Variants in SGCZ observed in about 807,000 individuals in gnomAD.
The protein encoded by SGCZ is sarcoglycan zeta.
In SGCZ, 40 loss-of-function variants were observed where a neutral mutation model predicts 41.3. The observed-to-expected ratio is 0.97, with a 90% CI of 0.75 to 1.26. SGCZ has a LOEUF of 1.26. Among genes scored for constraint, SGCZ ranks in the 50% most tolerant of loss-of-function variants. The probability of loss-of-function intolerance (pLI) is 0.00; values close to 1 mark genes in which losing one functional copy is unlikely to be tolerated. For missense variants in SGCZ, 552 were observed against 369.8 expected (o/e 1.49, Z -4.04); for synonymous variants, 206 against 137.5 (o/e 1.50, Z -3.49).
chr8:14,240,025 T>C (rs1296528349), intron 3 of SGCZ, among the ~76,000 whole-genome samples: 1 of 151,456 alleles, frequency 6.6e-6, no homozygotes, highest in Non-Finnish European at 1.5e-5. Context: ...AGAAATAGAC[T>C]TGTTAGAATG....
chr8:14,307,753 T>C (rs1053545663), intron 3 of SGCZ, among the ~76,000 whole-genome samples: 9 of 152,072 alleles, frequency 5.9e-5, no homozygotes, highest in African/African-American at 2.2e-4. Context: ...TATAAAGACA[T>C]ACAAACATAT....
chr8:14,130,770 A>G (rs1160367873), intron 5 of SGCZ, among the ~76,000 whole-genome samples: 1 of 152,162 alleles, frequency 6.6e-6, no homozygotes, highest in African/African-American at 2.4e-5. Context: ...GTGCCAATAG[A>G]AAAAGGGACC....
intron 1 of SGCZ, among the ~76,000 whole-genome samples, chr8:14,716,607 A>G (rs1298421713): frequency 6.6e-6 from 1 of 152,116 alleles, no homozygotes; most frequent in Non-Finnish European, 1.5e-5. Context: ...CCAAAATTCT[A>G]TTTGTCTGTA....
chr8:14,784,924 A>ATATATATAATATATATATTTTTTATAT (rs1800712202), intron 1 of SGCZ, among the ~76,000 whole-genome samples: 5 of 105,864 alleles, frequency 4.7e-5, no homozygotes, highest in East Asian at 3.3e-4. Flanking sequence ...ATATATATAT[A>ATATATATAATATATATATTTTTTATAT]TATATATATA....
rs977498851 is a variant in SGCZ, at chr8:14,423,632, G to A, written c.235-99428C>T. ...GGTTTCTCCGTTGATCAGGTTGGTC[G>A]CGAACTCCTGACTTCAGGTGATCCG... On this transcript the variant is annotated intron_variant, in intron 2 of 7. Coordinates refer to ENST00000382080, the MANE Select transcript of SGCZ (RefSeq NM_139167.4). Among the ~76,000 whole-genome samples, 7 of 151,994 alleles carry A rather than the reference G, an allele frequency of 4.6e-5. No homozygotes were observed. The South Asian group carries it at 6.2e-4, about 14-fold the overall frequency.
intron 1 of SGCZ, among the ~76,000 whole-genome samples, chr8:15,026,835 C>T (rs143305562): frequency 6.6e-6 from 1 of 152,254 alleles, no homozygotes; most frequent in Non-Finnish European, 1.5e-5. Context: ...TTTCTTTTAT[C>T]GTTCTACAAT....
chr8:14,258,436 A>T (rs1799540286), intron 3 of SGCZ, among the ~76,000 whole-genome samples: 3 of 152,182 alleles, frequency 2.0e-5, no homozygotes, highest in African/African-American at 7.2e-5. Context: ...ATCATACTGC[A>T]AAAGATAGGT....
At chr8:14,193,318 T>C (rs1563178019) in intron 4 of SGCZ, among the ~76,000 whole-genome samples, 2 of 117,732 alleles carry the variant, frequency 1.7e-5, no homozygotes, top group Admixed American at 2.0e-4. Context: ...CTCTTTCCTA[T>C]AAAAAATGCA....
At chr8:14,740,843 C>T (rs910432058) in intron 1 of SGCZ, among the ~76,000 whole-genome samples, 2 of 151,912 alleles carry the variant, frequency 1.3e-5, no homozygotes, top group Non-Finnish European at 2.9e-5. Flanking sequence ...AGGGCAAACA[C>T]CAAGTCAGGA....
chr8:14,304,081 A>C (rs929596519), intron 3 of SGCZ, among the ~76,000 whole-genome samples: 9 of 152,126 alleles, frequency 5.9e-5, no homozygotes, highest in African/African-American at 1.9e-4. Context: ...ATGGCTTTAC[A>C]TTTGTGAAAA....
At chr8:14,908,090 T>C (rs1226422358) in intron 1 of SGCZ, among the ~76,000 whole-genome samples, 3 of 152,202 alleles carry the variant, frequency 2.0e-5, no homozygotes, top group African/African-American at 4.8e-5. Flanking sequence ...TTGTTACTTA[T>C]GTAGCATATC....
chr8:15,202,937 C>T (rs1475174178), intron 1 of SGCZ, among the ~76,000 whole-genome samples: 2 of 151,940 alleles, frequency 1.3e-5, no homozygotes, highest in South Asian at 2.1e-4. Context: ...ATGGTGAAAC[C>T]CTGTCTCTAC....
At chr8:14,760,977 G>T (rs1381675062) in intron 1 of SGCZ, among the ~76,000 whole-genome samples, 4 of 152,164 alleles carry the variant, frequency 2.6e-5, no homozygotes, top group African/African-American at 9.7e-5. Context: ...ACTGTTGGAT[G>T]TCAGATGTAG....
chr8:14,166,339 C>G (rs187067221), intron 4 of SGCZ, among the ~76,000 whole-genome samples: 1 of 152,112 alleles, frequency 6.6e-6, no homozygotes, highest in African/African-American at 2.4e-5. Context: ...ATTTCGACAG[C>G]TTGTATTCAT....
intron 1 of SGCZ, among the ~76,000 whole-genome samples, chr8:14,814,545 T>C (rs949209355): frequency 6.6e-6 from 1 of 152,148 alleles, no homozygotes; most frequent in African/African-American, 2.4e-5. Flanking sequence ...TAAAGCAGCA[T>C]CTCATAGCCA....
chr8:14,139,525 G>C (rs1803302902), intron 5 of SGCZ, among the ~76,000 whole-genome samples: 1 of 152,064 alleles, frequency 6.6e-6, no homozygotes, highest in Non-Finnish European at 1.5e-5. Context: ...TGATCGCACA[G>C]TAATACAAAC....
At chr8:14,846,793 G>A (rs1006265091) in intron 1 of SGCZ, among the ~76,000 whole-genome samples, 5 of 151,176 alleles carry the variant, frequency 3.3e-5, no homozygotes, top group African/African-American at 1.2e-4. Flanking sequence ...TACCAGGCCA[G>A]AAGCAGTGGC....
chr8:14,528,579 A>C (rs1803023484), intron 2 of SGCZ, among the ~76,000 whole-genome samples: 1 of 152,106 alleles, frequency 6.6e-6, no homozygotes, highest in Non-Finnish European at 1.5e-5. Context: ...TATTTAAAAT[A>C]GACTTTCTCT....
At chr8:14,369,839 A>G (rs559339146) in intron 2 of SGCZ, among the ~76,000 whole-genome samples, 3 of 152,162 alleles carry the variant, frequency 2.0e-5, no homozygotes, top group Non-Finnish European at 2.9e-5. Flanking sequence ...TTTAGAATAT[A>G]AAGGACTTAG....
Sources: gnomAD v4.1 joint callset for allele counts (sites outside exome capture counted in the v4.1 genomes callset) on GRCh38, gnomAD v4.1.1 for gene constraint, MANE v1.5 for transcripts, NCBI Gene and HGNC (gene_info 2026-07-23, HGNC 2026-07-21) for gene names.